TAS2R1: variants seen among roughly 807,000 people sequenced by gnomAD.
The protein encoded by TAS2R1 is taste receptor type 2 member 1.
For missense variants in TAS2R1, 370 were observed against 353.4 expected (o/e 1.05, Z -0.38); for synonymous variants, 141 against 134.2 (o/e 1.05, Z -0.35).
chr5:9,702,851 TGGAG>T (rs1741520421), intron 1 of TAS2R1, among the ~76,000 whole-genome samples: 1 of 150,976 alleles, frequency 6.6e-6, no homozygotes, highest in South Asian at 2.1e-4. Context: ...GGGTGTCAGA[TGGAG>T]GGAGAAAGAA....
chr5:9,641,926 A>G (rs992817679), intron 2 of TAS2R1: 1 of 152,202 alleles, frequency 6.6e-6, no homozygotes, highest in Non-Finnish European at 1.5e-5. Flanking sequence ...ATAGCTTGGA[A>G]CAGATGGGAC....
intron 2 of TAS2R1, among the ~76,000 whole-genome samples, chr5:9,655,641 T>A (rs2126491656): frequency 6.6e-6 from 1 of 152,250 alleles, no homozygotes; most frequent in South Asian, 2.1e-4. Context: ...ATATCTCTAA[T>A]GTAAAAGGGT....
chr5:9,892,856 A>G, the TAS2R1 span, among the ~76,000 whole-genome samples: 4,025 of 152,252 alleles, frequency 0.026, 74 homozygotes, highest in Non-Finnish European at 0.037. Context: ...CAAGAGACAC[A>G]AGCCCATTTC....
chr5:9,683,567 A>G (rs937047414), intron 1 of TAS2R1, among the ~76,000 whole-genome samples: 1 of 152,216 alleles, frequency 6.6e-6, no homozygotes, highest in African/African-American at 2.4e-5. Flanking sequence ...TATGTTAGCA[A>G]CAGAGGATGG....
chr5:9,699,717 T>A (rs1741437098), intron 1 of TAS2R1, among the ~76,000 whole-genome samples: 1 of 152,226 alleles, frequency 6.6e-6, no homozygotes, highest in African/African-American at 2.4e-5. Context: ...AAGCTGACTG[T>A]CCGTCAGCCA....
At chr5:9,857,352 T>C in the TAS2R1 span, among the ~76,000 whole-genome samples, 1 of 152,212 alleles carries the variant, frequency 6.6e-6, no homozygotes, top group African/African-American at 2.4e-5. Context: ...GTGATGGATA[T>C]CTCAATTACC....
At chr5:9,703,524 C>T (rs1176612473) in intron 1 of TAS2R1, among the ~76,000 whole-genome samples, 1 of 152,028 alleles carries the variant, frequency 6.6e-6, no homozygotes, top group Non-Finnish European at 1.5e-5. Flanking sequence ...GGGGACTGTA[C>T]CTGCACAGGG....
intron 2 of TAS2R1, among the ~76,000 whole-genome samples, chr5:9,651,557 T>C (rs1439881902): frequency 6.6e-6 from 1 of 152,224 alleles, no homozygotes; most frequent in Non-Finnish European, 1.5e-5. Flanking sequence ...AATATAAGCA[T>C]ATTTAATGGA....
At chr5:9,654,523 T>C (rs2126490826) in intron 2 of TAS2R1, among the ~76,000 whole-genome samples, 1 of 152,118 alleles carries the variant, frequency 6.6e-6, no homozygotes, top group East Asian at 1.9e-4. Context: ...CCTAAGTGTA[T>C]TATGAAGCAA....
the TAS2R1 span, among the ~76,000 whole-genome samples, chr5:9,789,725 G>C: frequency 6.6e-6 from 1 of 152,182 alleles, no homozygotes; most frequent in Non-Finnish European, 1.5e-5. Flanking sequence ...GTGGTTGTGT[G>C]CTAGGCAATT....
chr5:9,685,804 T>G (rs1053480099), intron 1 of TAS2R1, among the ~76,000 whole-genome samples: 21 of 152,348 alleles, frequency 1.4e-4, no homozygotes, highest in African/African-American at 5.0e-4. Context: ...GAATTAAATA[T>G]TGTTAAATTA....
the TAS2R1 span, among the ~76,000 whole-genome samples, chr5:9,796,816 T>G: frequency 6.6e-6 from 1 of 150,766 alleles, no homozygotes; most frequent in Non-Finnish European, 1.5e-5. Context: ...AGACTTTGAC[T>G]CAAGCAGCAC....
the TAS2R1 span, among the ~76,000 whole-genome samples, chr5:9,767,922 T>TTA: frequency 1.2e-4 from 2 of 17,166 alleles, no homozygotes; most frequent in African/African-American, 5.6e-4. Context: ...AGACTCCGTC[T>TTA]CAAAAAAAAA....
the TAS2R1 span, among the ~76,000 whole-genome samples, chr5:9,822,500 C>T: frequency 6.6e-6 from 1 of 151,968 alleles, no homozygotes; most frequent in South Asian, 2.1e-4. Context: ...CAGGTGTGTG[C>T]CACCACGCCT....
chr5:9,805,749 A>C, the TAS2R1 span, among the ~76,000 whole-genome samples: 1 of 152,178 alleles, frequency 6.6e-6, no homozygotes, highest in South Asian at 2.1e-4. Context: ...ACATACCTTA[A>C]GGTAATAAAA....
At chr5:9,664,176 T>C (rs1223149580) in intron 1 of TAS2R1, among the ~76,000 whole-genome samples, 1 of 152,136 alleles carries the variant, frequency 6.6e-6, no homozygotes, top group Admixed American at 6.6e-5. Flanking sequence ...CCACCTCTTC[T>C]ATATTGGCAC....
chr5:9,753,910 TCTGTTTTGGTACCAGTACCATG>T, the TAS2R1 span, among the ~76,000 whole-genome samples: 1 of 152,212 alleles, frequency 6.6e-6, no homozygotes, highest in Non-Finnish European at 1.5e-5. Context: ...GGTCTATATA[TCTGTTTTGGTACCAGTACCATG>T]CTGTTTTGGT....
At chr5:9,750,456 A>G in the TAS2R1 span, among the ~76,000 whole-genome samples, 1 of 152,196 alleles carries the variant, frequency 6.6e-6, no homozygotes, top group African/African-American at 2.4e-5. Context: ...ACTTGAAATC[A>G]TCGACCAGAA....
At chr5:9,754,256 C>T in the TAS2R1 span, among the ~76,000 whole-genome samples, 19 of 152,176 alleles carry the variant, frequency 1.2e-4, no homozygotes, top group South Asian at 2.3e-3. Context: ...TGGGACGTAT[C>T]TCAAAATAAT....
Sources: gnomAD v4.1 joint callset for allele counts (sites outside exome capture counted in the v4.1 genomes callset) on GRCh38, gnomAD v4.1.1 for gene constraint, MANE v1.5 for transcripts, NCBI Gene and HGNC (gene_info 2026-07-23, HGNC 2026-07-21) for gene names.